ENOX2: variants seen among roughly 807,000 people sequenced by gnomAD.
ENOX2 encodes APK1 antigen.
In ENOX2, 36 loss-of-function variants were observed where a neutral mutation model predicts 45.0. The ratio of observed to expected loss-of-function variants is 0.80; its 90% CI spans 0.61 to 1.06. The LOEUF (loss-of-function observed/expected upper bound fraction) is 1.06, where lower values mean the gene tolerates loss of function less well. Ranked by LOEUF, ENOX2 falls within the 50% of genes least tolerant of loss-of-function variation. ENOX2 has a pLI of 0.00. For synonymous variants in ENOX2, 174 were observed against 152.3 expected, an observed-to-expected ratio of 1.14 and a Z score of -1.05; for missense variants, 423 against 462.5, an observed-to-expected ratio of 0.91 and a Z score of 0.78.
At chrX:130,892,398 C>T (rs776708294) in intron 2 of ENOX2, among the ~76,000 whole-genome samples, 1 of 112,306 alleles carries the variant, frequency 8.9e-6, no homozygotes, top group Non-Finnish European at 1.9e-5. Flanking sequence ...TGGAACCCAT[C>T]CTTTTAAAGA....
At chrX:130,783,925 G>A (rs749690610) in intron 2 of ENOX2, among the ~76,000 whole-genome samples, 7 of 111,674 alleles carry the variant, frequency 6.3e-5, no homozygotes, top group Non-Finnish European at 1.3e-4. Context: ...CTGTTTCTGC[G>A]GCAACTTAAC....
chrX:130,632,867 T>TA (rs764764552), intron 12 of ENOX2, among the ~76,000 whole-genome samples: 1 of 112,289 alleles, frequency 8.9e-6, no homozygotes, highest in Non-Finnish European at 1.9e-5. Context: ...AAGTTTGATT[T>TA]AAACTACTAG....
At chrX:130,647,878 C>T (rs2036281612) in intron 10 of ENOX2, among the ~76,000 whole-genome samples, 1 of 110,835 alleles carries the variant, frequency 9.0e-6, no homozygotes, top group East Asian at 2.8e-4. Flanking sequence ...AATAATTTGC[C>T]TCCCTTAAAT....
chrX:130,629,217 A>G (rs946716074), intron 13 of ENOX2, among the ~76,000 whole-genome samples: 2 of 112,409 alleles, frequency 1.8e-5, no homozygotes, highest in Non-Finnish European at 1.9e-5. Flanking sequence ...ATTTCTAAAC[A>G]CTGATTCTGG....
chrX:130,842,121 C>G (rs12007391), intron 2 of ENOX2, among the ~76,000 whole-genome samples: 3 of 112,663 alleles, frequency 2.7e-5, no homozygotes, highest in African/African-American at 9.7e-5. Context: ...TAAAGCCAGC[C>G]GTAATGCCGT....
intron 9 of ENOX2, among the ~76,000 whole-genome samples, chrX:130,659,149 A>G (rs1310557246): frequency 8.9e-6 from 1 of 112,203 alleles, no homozygotes; most frequent in East Asian, 2.8e-4. Flanking sequence ...GTTGTCTGTG[A>G]AAATTGCCTC....
intron 3 of ENOX2, among the ~76,000 whole-genome samples, chrX:130,709,587 G>A (rs1234276882): frequency 1.9e-4 from 18 of 94,053 alleles, no homozygotes; most frequent in East Asian, 1.7e-3. Flanking sequence ...GCAGTGAGCC[G>A]AGATCACACC....
At chrX:130,668,065 G>C (rs747286403) in intron 7 of ENOX2, among the ~76,000 whole-genome samples, 51 of 109,130 alleles carry the variant, frequency 4.7e-4, no homozygotes, top group African/African-American at 1.7e-3. Flanking sequence ...GATTGTGTGT[G>C]TGTGTGTGTG....
intron 2 of ENOX2, among the ~76,000 whole-genome samples, chrX:130,811,211 T>C (rs1359505609): frequency 3.6e-5 from 4 of 111,270 alleles, no homozygotes; most frequent in Non-Finnish European, 7.6e-5. Context: ...CTCATCCCAG[T>C]GGACCCAGAT....
intron 2 of ENOX2, among the ~76,000 whole-genome samples, chrX:130,843,220 G>A (rs1439873580): frequency 9.0e-6 from 1 of 111,371 alleles, no homozygotes; most frequent in Non-Finnish European, 1.9e-5. Context: ...AGCTGCCCAA[G>A]CCAGAAACCT....
chrX:130,842,621 A>T (rs1569312461), intron 2 of ENOX2, among the ~76,000 whole-genome samples: 1 of 111,809 alleles, frequency 8.9e-6, no homozygotes, highest in Non-Finnish European at 1.9e-5. Context: ...AAAGCCAATG[A>T]TCACTTTTCA....
chrX:130,901,449 G>A (rs1245470873), intron 2 of ENOX2, among the ~76,000 whole-genome samples: 2 of 112,652 alleles, frequency 1.8e-5, no homozygotes, highest in Non-Finnish European at 3.7e-5. Flanking sequence ...TATTTATGAT[G>A]ATGACTAGGA....
chrX:130,875,501 A>G (rs1449737387), intron 2 of ENOX2, among the ~76,000 whole-genome samples: 1 of 111,554 alleles, frequency 9.0e-6, no homozygotes, highest in Non-Finnish European at 1.9e-5. Context: ...AGAAATAAAC[A>G]CTTATATTTA....
At chrX:130,789,848 G>GCCCTCCTCACTTTCATACAC (rs1198753256) in intron 2 of ENOX2, among the ~76,000 whole-genome samples, 1 of 111,935 alleles carries the variant, frequency 8.9e-6, no homozygotes, top group Non-Finnish European at 1.9e-5. Context: ...TCTCTGGAGG[G>GCCCTCCTCACTTTCATACAC]CCCTCCTCAC....
chrX:130,627,798 G>A lies in ENOX2; in HGVS notation c.1614+160C>T, dbSNP rs2035587447. 3.6e-5 allele frequency among the ~76,000 whole-genome samples: 4 copies of A among 112,021 alleles called. No individual in the cohort carries two copies. The South Asian group carries it at 1.5e-3, about 42-fold the overall frequency. ...CCAGGACACATGGGTCATCCCACTT[G>A]CAAAGGGGAAGCTCTGCACTGAATC... On this transcript the variant is annotated intron_variant, in intron 14 of 14. Coordinates refer to ENST00000394363, the MANE Select transcript of ENOX2 (RefSeq NM_006375.4).
At chrX:130,764,179 C>T (rs1273411433) in intron 3 of ENOX2, among the ~76,000 whole-genome samples, 6 of 111,026 alleles carry the variant, frequency 5.4e-5, no homozygotes, top group South Asian at 3.8e-4. Context: ...AGCTTTCAGC[C>T]TTCTTAGGAT....
At chrX:130,728,903 C>T (rs901807449) in intron 3 of ENOX2, among the ~76,000 whole-genome samples, 39 of 111,464 alleles carry the variant, frequency 3.5e-4, no homozygotes, top group African/African-American at 1.2e-3. Context: ...ACACGTGTGG[C>T]CTTTCACTTG....
intron 3 of ENOX2, among the ~76,000 whole-genome samples, chrX:130,750,286 T>G (rs2039188432): frequency 9.0e-6 from 1 of 111,197 alleles, no homozygotes; most frequent in African/African-American, 3.3e-5. Flanking sequence ...TCTCAGTATC[T>G]CTGTTAATAC....
intron 3 of ENOX2, among the ~76,000 whole-genome samples, chrX:130,707,104 C>G (rs943957769): frequency 8.9e-6 from 1 of 112,213 alleles, no homozygotes; most frequent in African/African-American, 3.2e-5. Flanking sequence ...AAATGGACAT[C>G]TAGTAATTTT....
Sources: gnomAD v4.1 joint callset for allele counts (sites outside exome capture counted in the v4.1 genomes callset) on GRCh38, gnomAD v4.1.1 for gene constraint, MANE v1.5 for transcripts, NCBI Gene and HGNC (gene_info 2026-07-23, HGNC 2026-07-21) for gene names.